The following PRKN variants were observed in gnomAD, a reference collection of about 807,000 sequenced individuals.
The protein encoded by PRKN is E3 ubiquitin-protein ligase parkin.
A neutral mutation model predicts 59.5 loss-of-function variants in PRKN; 56 were observed. The ratio of observed to expected loss-of-function variants is 0.94; its 90% CI spans 0.76 to 1.18. The LOEUF (loss-of-function observed/expected upper bound fraction) is 1.18, where lower values mean the gene tolerates loss of function less well. PRKN is among the 50% of genes most tolerant of loss of function. The probability of loss-of-function intolerance (pLI) is 0.00; values close to 1 mark genes in which losing one functional copy is unlikely to be tolerated. For missense variants in PRKN, 657 were observed against 596.4 expected (o/e 1.10, Z -1.06); for synonymous variants, 250 against 222.1 (o/e 1.13, Z -1.12).
At chr6:162,528,057 T>A in intron 1 of PRKN, among the ~76,000 whole-genome samples, 1 of 6,264 alleles carries the variant, frequency 1.6e-4, no homozygotes, top group African/African-American at 1.0e-3. Context: ...CTTTGGGAGG[T>A]CGGGGGAGGG....
chr6:162,063,310 G>C (rs1183031328), intron 4 of PRKN, among the ~76,000 whole-genome samples: 1 of 152,106 alleles, frequency 6.6e-6, no homozygotes, highest in Non-Finnish European at 1.5e-5. Flanking sequence ...CAAAAACCTT[G>C]AACAGGCTAT....
chr6:161,839,323 A>G (rs550572712), intron 6 of PRKN, among the ~76,000 whole-genome samples: 1 of 152,240 alleles, frequency 6.6e-6, no homozygotes, highest in East Asian at 1.9e-4. Context: ...CCAGGTATAC[A>G]ATGTGCACGT....
intron 7 of PRKN, among the ~76,000 whole-genome samples, chr6:161,585,877 C>T (rs1224035046): frequency 6.6e-6 from 1 of 152,170 alleles, no homozygotes; most frequent in Non-Finnish European, 1.5e-5. Context: ...TCTCACTGAC[C>T]TCTACATATT....
At chr6:161,512,186 C>T (rs1187795595) in intron 9 of PRKN, among the ~76,000 whole-genome samples, 1 of 152,082 alleles carries the variant, frequency 6.6e-6, no homozygotes, top group Non-Finnish European at 1.5e-5. Context: ...GAGGTGGTTT[C>T]ATTTTTATTA....
At chr6:162,642,625 G>A (rs1042927989) in intron 1 of PRKN, among the ~76,000 whole-genome samples, 7 of 151,622 alleles carry the variant, frequency 4.6e-5, no homozygotes, top group Non-Finnish European at 8.8e-5. Flanking sequence ...TAGTAGTGTC[G>A]AAAACTCAGA....
rs753025419 is a variant in PRKN at position 161,386,802 on chromosome 6, T to G, written c.1159A>C (p.Thr387Pro). 3 of 1,612,384 alleles carry G rather than the reference T, an allele frequency of 1.9e-6. No individual in the cohort carries two copies. Among genetic ancestry groups the G allele is most frequent in the African/African-American group, 2.7e-5 (2 of 74,980 alleles). The change falls in exon 10 of 12, where the codon ACT becomes CCT. Residue 387 changes from threonine (T) to proline (P), a missense_variant. Transcript: ENST00000366898. This position sits in a 1 kb window ranked among gnomAD's most constrained non-coding sequence, Gnocchi z 4.3. ...AGTAGGGCATTCTGTACCTGAGTAG[T>G]TGTTCCTGAGGCTTCAAATACGGCA... Reference protein sequence around the residue: ...CSAVFEASGTTTQAYRVDERA... With the variant: ...CSAVFEASGTPTQAYRVDERA...
intron 7 of PRKN, among the ~76,000 whole-genome samples, chr6:161,572,549 A>G (rs1780930966): frequency 6.6e-6 from 1 of 152,050 alleles, no homozygotes; most frequent in African/African-American, 2.4e-5. Flanking sequence ...AATCCCAGCT[A>G]CTTGTGAGGC....
At chr6:162,148,994 C>CTCAT (rs1047836909) in intron 4 of PRKN, among the ~76,000 whole-genome samples, 7 of 150,780 alleles carry the variant, frequency 4.6e-5, no homozygotes, top group Admixed American at 4.6e-4. Context: ...ACAGATTCTT[C>CTCAT]TCATTCATTC....
At chr6:161,680,775 A>ATATATATATTTTT (rs1216235673) in intron 7 of PRKN, among the ~76,000 whole-genome samples, 1 of 30,636 alleles carries the variant, frequency 3.3e-5, no homozygotes, top group Non-Finnish European at 6.1e-5. Flanking sequence ...ATATATATAT[A>ATATATATATTTTT]TTTTTTTTTT....
At chr6:162,561,252 C>T (rs1308155194) in intron 1 of PRKN, among the ~76,000 whole-genome samples, 1 of 152,092 alleles carries the variant, frequency 6.6e-6, no homozygotes, top group Non-Finnish European at 1.5e-5. Flanking sequence ...CAGTTTCAAG[C>T]ACAGGAATGC....
chr6:162,087,332 T>A (rs1779283726), intron 4 of PRKN, among the ~76,000 whole-genome samples: 1 of 152,104 alleles, frequency 6.6e-6, no homozygotes, highest in African/African-American at 2.4e-5. Flanking sequence ...TTCCTAAAAA[T>A]CAGTTTTAAT....
At chr6:161,997,046 G>C (rs555226643) in intron 5 of PRKN, among the ~76,000 whole-genome samples, 1 of 151,982 alleles carries the variant, frequency 6.6e-6, no homozygotes, top group Non-Finnish European at 1.5e-5. Context: ...CTTCAATTGC[G>C]TTCTCGAATG....
intron 2 of PRKN, among the ~76,000 whole-genome samples, chr6:162,315,059 G>A (rs1031441109): frequency 2.0e-5 from 3 of 152,092 alleles, no homozygotes; most frequent in African/African-American, 4.8e-5. Flanking sequence ...TTTTTTAAAT[G>A]TTTTTTCAGA....
rs1263324618 is a variant in PRKN, at chr6:161,533,479, G to A, written c.1083+15375C>T. ...TGGGACTAGCCATGTTCAAAATGGCGGCTCCATCTTCTCTTTTTGCCAGCC... is the reference window on the plus strand; with the variant it reads ...TGGGACTAGCCATGTTCAAAATGGCAGCTCCATCTTCTCTTTTTGCCAGCC... On this transcript the variant is annotated intron_variant, in intron 9 of 11. Transcript: ENST00000366898. The surrounding 1 kb of genome is among the most constrained non-coding windows in gnomAD (Gnocchi z 4.1). Among the ~76,000 whole-genome samples, 1 of 152,122 alleles carries A rather than the reference G, an allele frequency of 6.6e-6. No homozygotes were observed. Among genetic ancestry groups the A allele is most frequent in the Non-Finnish European group, 1.5e-5 (1 of 68,024 alleles).
At chr6:161,577,087 T>G (rs1331436251) in intron 7 of PRKN, among the ~76,000 whole-genome samples, 1 of 152,198 alleles carries the variant, frequency 6.6e-6, no homozygotes, top group Non-Finnish European at 1.5e-5. Flanking sequence ...GCTATTCAAA[T>G]CTGTCTTAAA....
At chr6:161,766,243 T>C (rs1789416325) in intron 7 of PRKN, among the ~76,000 whole-genome samples, 1 of 152,096 alleles carries the variant, frequency 6.6e-6, no homozygotes, top group African/African-American at 2.4e-5. Context: ...TGTTGTTCCC[T>C]TGATAAAGTA....
At chr6:162,413,211 GT>G (rs201031997) in intron 2 of PRKN, among the ~76,000 whole-genome samples, 1 of 151,834 alleles carries the variant, frequency 6.6e-6, no homozygotes, top group African/African-American at 2.4e-5. Context: ...TGTACAGTCT[GT>G]TTTTTTTATT....
At chr6:162,149,041 A>C (rs900515373) in intron 4 of PRKN, among the ~76,000 whole-genome samples, 1 of 152,124 alleles carries the variant, frequency 6.6e-6, no homozygotes, top group Admixed American at 6.5e-5. Flanking sequence ...CAAATAGGGT[A>C]GTGAGAAGTG....
chr6:161,618,638 A>C (rs1161865260), intron 7 of PRKN, among the ~76,000 whole-genome samples: 1 of 152,222 alleles, frequency 6.6e-6, no homozygotes, highest in Non-Finnish European at 1.5e-5. Flanking sequence ...AAAATGCTAC[A>C]GTGGTATAAT....
Sources: allele counts gnomAD v4.1 joint callset (sites outside exome capture counted in the v4.1 genomes callset), GRCh38; gene constraint gnomAD v4.1.1; non-coding constraint Gnocchi (gnomAD v3.1); transcripts MANE v1.5; gene names NCBI Gene and HGNC (gene_info 2026-07-23, HGNC 2026-07-21).